LMAN1: variants seen among roughly 807,000 people sequenced by gnomAD.
LMAN1 encodes the protein protein ERGIC-53.
A neutral mutation model predicts 67.8 loss-of-function variants in LMAN1; 32 were observed. The observed-to-expected ratio is 0.47, with a 90% confidence interval of 0.36 to 0.63. LMAN1 has a LOEUF of 0.63. Among genes scored for constraint, LMAN1 ranks in the 30% least tolerant of loss-of-function variants. LMAN1 has a pLI of 0.00. For synonymous variants in LMAN1, 235 were observed against 219.3 expected, an observed-to-expected ratio of 1.07 and a Z score of -0.63; for missense variants, 632 against 628.2, an observed-to-expected ratio of 1.01 and a Z score of -0.06.
intron 5 of LMAN1, among the ~76,000 whole-genome samples, chr18:59,349,744 A>G (rs1342710385): frequency 6.6e-6 from 1 of 152,222 alleles, no homozygotes; most frequent in Non-Finnish European, 1.5e-5. Flanking sequence ...TCATACTGAC[A>G]AGGCAGAGAA....
chr18:59,338,716 A>G (rs199873517), intron 9 of LMAN1, 44 bp downstream of exon 9: 17 of 1,609,122 alleles, frequency 1.1e-5, no homozygotes, highest in Non-Finnish European at 1.4e-5. Context: ...CTTCCCTTCC[A>G]GCAAAGGGTA....
At chr18:59,345,876 C>G (rs748318727) in intron 8 of LMAN1, 43 bp downstream of exon 8, 1 of 1,612,468 alleles carries the variant, frequency 6.2e-7, no homozygotes, top group Non-Finnish European at 8.5e-7. Context: ...TCAACAGCCT[C>G]AAGCCCTGCT....
chr18:59,352,994 C>T (rs113737550), intron 5 of LMAN1: 6 of 535,034 alleles, frequency 1.1e-5, no homozygotes. Context: ...TAAACATTTA[C>T]TGACTAAATG....
In LMAN1 at chr18:59,330,949, A is replaced by G; in HGVS notation, c.*144T>C. ...TGTGGTTGTCTTTGCTTTAAGGTTT[A>G]TTCTTAACTGCAAATCAATGTTTAA... On this transcript the variant is annotated 3_prime_UTR_variant, in exon 13 of 13. Transcript: ENST00000251047. 1.5e-6 allele frequency: 1 copy of G among 658,106 alleles called. No homozygotes were observed. Among genetic ancestry groups the G allele is most frequent in the South Asian group, 1.9e-5 (1 of 53,608 alleles). 40.8% of individuals were successfully genotyped at this position (658,106 alleles called of 1,614,324 possible). A position where few individuals can be genotyped will look rare whatever the true frequency, so the allele number is the denominator to read the frequency against.
chr18:59,338,746 T>C lies in LMAN1; in HGVS notation c.1149+14A>G. Reference sequence around the variant, plus strand: ...AGGGTAAATGGGGCACATCTGCATATTCTGCAAGCCCACCTGCCCATGCTG... The same window carrying C: ...AGGGTAAATGGGGCACATCTGCATACTCTGCAAGCCCACCTGCCCATGCTG... On this transcript the variant is annotated intron_variant, in intron 9 of 12. Transcript: ENST00000251047. 6.2e-7 allele frequency: 1 copy of C among 1,613,954 alleles called. No individual in the cohort carries two copies. The highest frequency in any genetic ancestry group is 8.5e-7 in the Non-Finnish European group (1 of 1,179,826).
chr18:59,352,818 T>C (rs999686271), intron 5 of LMAN1: 3 of 308,628 alleles, frequency 9.7e-6, no homozygotes, highest in African/African-American at 6.5e-5. Flanking sequence ...GATACATTTG[T>C]GTGTCCTCTG....
intron 10 of LMAN1, among the ~76,000 whole-genome samples, 188 bp downstream of exon 10, chr18:59,338,369 T>C (rs1908209830): frequency 1.3e-5 from 2 of 152,218 alleles, no homozygotes; most frequent in Non-Finnish European, 2.9e-5. Flanking sequence ...TTAAAAACTT[T>C]AGACATGTTT....
intron 1 of LMAN1, among the ~76,000 whole-genome samples, chr18:59,358,121 CCTTA>C (rs929744047): frequency 6.6e-6 from 1 of 152,148 alleles, no homozygotes; most frequent in African/African-American, 2.4e-5. Context: ...ACGATTGACT[CCTTA>C]GTCAGCAGTG....
At chr18:59,357,394 C>A (rs1908683673) in intron 1 of LMAN1, among the ~76,000 whole-genome samples, 1 of 152,176 alleles carries the variant, frequency 6.6e-6, no homozygotes, top group East Asian at 1.9e-4. Context: ...GATAGAAGAA[C>A]AGGCAGGCAG....
chr18:59,333,172 C>A lies in LMAN1; in HGVS notation c.1293G>T (p.Glu431Asp), dbSNP rs532092477. ...QHPGSAGGVY[E>D]TTQHFIDIKE... ...TGATGTCAATGAAGTGCTGTGTTGT[C>A]TCATAGACGCCTCCAGCAGAGCCAG... Residue 431 changes from glutamate (E) to aspartate (D), a missense_variant, in exon 11 of 13, where the codon GAG becomes GAT. Physicochemically the swap from Glu to Asp is conservative, Grantham distance 45 (BLOSUM62 2). Coordinates refer to ENST00000251047, the MANE Select transcript of LMAN1 (RefSeq NM_005570.4). 1 of 1,613,536 alleles carries A rather than the reference C, an allele frequency of 6.2e-7. No individual in the cohort carries two copies. Among genetic ancestry groups the A allele is most frequent in the Non-Finnish European group, 8.5e-7 (1 of 1,179,596 alleles).
intron 10 of LMAN1, among the ~76,000 whole-genome samples, chr18:59,335,495 G>C (rs929022924): frequency 6.6e-6 from 1 of 151,914 alleles, no homozygotes; most frequent in Non-Finnish European, 1.5e-5. Flanking sequence ...AAGAAATACA[G>C]GAAGAACAAA....
At position 59,359,012 on chromosome 18, in the gene LMAN1, G is replaced by T; in HGVS notation, c.214+19C>A. 6.2e-7 allele frequency: 1 copy of T among 1,610,862 alleles called. No homozygotes were observed. Among genetic ancestry groups the T allele is most frequent in the Non-Finnish European group, 8.5e-7 (1 of 1,177,780 alleles). On this transcript the variant is annotated intron_variant, in intron 1 of 12. Coordinates refer to ENST00000251047, the MANE Select transcript of LMAN1 (RefSeq NM_005570.4). ...AAGGGGGAGAGGAACCCGGCCCCCAGCCCTCTGCTCCGGCTTACTCCCCGC... is the reference window on the plus strand; with the variant it reads ...AAGGGGGAGAGGAACCCGGCCCCCATCCCTCTGCTCCGGCTTACTCCCCGC...
Position 59,359,065 on chromosome 18 carries a change from G to A in LMAN1, c.180C>T (p.Ser60=), listed in dbSNP as rs1408095737. The A allele has an allele frequency of 1.2e-6, 2 of 1,614,030 alleles. No homozygotes were observed. Among genetic ancestry groups the A allele is most frequent in the South Asian group, 1.1e-5 (1 of 91,084 alleles). Residue 60 remains serine (S), a synonymous_variant, in exon 1 of 13, where the codon AGC becomes AGT. Transcript: ENST00000251047. The part of the protein sequence containing the change: ...YSFKGPHLVQ[S]DGTVPFWAHA... The stretch of plus-strand genomic sequence containing the variant: ...GGGCCCAGAAGGGCACGGTCCCGTC[G>A]CTCTGCACCAGGTGCGGCCCCTTGA...
chr18:59,333,109 G>A lies in LMAN1; in HGVS notation c.1356C>T (p.Asn452=). ...HLHIVKRDID[N]LVQRNMPSNE... ...AAGTTACCATATTTCGCTGCACTAA[G>A]TTATCTATGTCCCTCTTTACTATGT... The change falls in exon 11 of 13, where the codon AAC becomes AAT. Residue 452 remains asparagine (N), a synonymous_variant. Transcript: ENST00000251047. 2 of 1,613,486 alleles carry A rather than the reference G, an allele frequency of 1.2e-6. No homozygotes were observed. Among genetic ancestry groups the A allele is most frequent in the Non-Finnish European group, 1.7e-6 (2 of 1,179,564 alleles).
At chr18:59,331,579 A>G (rs376989666) in intron 11 of LMAN1, 40 bp from the exon 12 acceptor site, 1 of 1,606,524 alleles carries the variant, frequency 6.2e-7, no homozygotes. Context: ...TAGTCAAAAT[A>G]GCAGTTTGGA....
At position 59,338,581 on chromosome 18, in the gene LMAN1, A is replaced by C; in HGVS notation, c.1196T>G (p.Ile399Ser). The C allele has an allele frequency of 6.2e-7, 1 of 1,613,792 alleles. No individual in the cohort carries two copies. Among genetic ancestry groups the C allele is most frequent in the South Asian group, 1.1e-5 (1 of 91,088 alleles). Residue 399 changes from isoleucine (I) to serine (S), a missense_variant, in exon 10 of 13, where the codon ATT becomes AGT. Coordinates refer to ENST00000251047, the MANE Select transcript of LMAN1 (RefSeq NM_005570.4). ...CTTCATTTCATTTACTTGTCTCAGA[A>C]TCTCATGCTGAGTTTTCACAACAGT... ...LDTVVKTQHEILRQVNEMKNS... is the reference protein window; with the variant it reads ...LDTVVKTQHESLRQVNEMKNS...
chr18:59,334,303 T>C lies in LMAN1; in HGVS notation c.1221-1059A>G, dbSNP rs1231355703. Among the ~76,000 whole-genome samples the C allele has an allele frequency of 2.0e-5, 3 of 152,240 alleles. No individual in the cohort carries two copies. The East Asian group carries it at 5.8e-4, about 29-fold the overall frequency. ...TGCCTGTTCATTCTGCTAACATTTA[T>C]TTCATAAGTGCTGTGAGCCAGGGAA... On this transcript the variant is annotated intron_variant, in intron 10 of 12. Transcript: ENST00000251047.
chr18:59,346,621 A>T (rs1908414741), intron 7 of LMAN1, among the ~76,000 whole-genome samples: 1 of 151,786 alleles, frequency 6.6e-6, no homozygotes, highest in South Asian at 2.1e-4. Flanking sequence ...CCCAGGTTCA[A>T]GCGATTCTCC....
chr18:59,331,880 G>A (rs1421169875), intron 11 of LMAN1, among the ~76,000 whole-genome samples: 1 of 152,152 alleles, frequency 6.6e-6, no homozygotes, highest in African/African-American at 2.4e-5. Flanking sequence ...GCTTGCTGTA[G>A]TGGTGTGATT....
Sources: allele counts gnomAD v4.1 joint callset (sites outside exome capture counted in the v4.1 genomes callset), GRCh38; gene constraint gnomAD v4.1.1; transcripts MANE v1.5; gene names NCBI Gene and HGNC (gene_info 2026-07-23, HGNC 2026-07-21).